The following OSBPL9 variants were observed in gnomAD, a reference collection of about 807,000 sequenced individuals.
OSBPL9 encodes the protein oxysterol-binding protein-related protein 9.
Under a neutral mutation model 106.6 loss-of-function variants are expected in OSBPL9, and 40 were observed. The observed-to-expected ratio is 0.38, with a 90% CI of 0.29 to 0.49. OSBPL9 has a LOEUF of 0.49. OSBPL9 is among the 20% of genes least tolerant of loss of function. The pLI, the probability that OSBPL9 is intolerant of heterozygous loss-of-function variation, is 0.97. For synonymous variants in OSBPL9, 269 were observed against 295.4 expected (o/e 0.91, Z 0.92); for missense variants, 609 against 887.2 (o/e 0.69, Z 3.98).
At chr1:51,693,052 T>A (rs1187827667) in intron 3 of OSBPL9, among the ~76,000 whole-genome samples, 1 of 152,046 alleles carries the variant, frequency 6.6e-6, no homozygotes, top group Non-Finnish European at 1.5e-5. Context: ...TACCAATTAG[T>A]TGCTAAGAAA....
chr1:51,543,248 A>C, the OSBPL9 span, among the ~76,000 whole-genome samples: 1 of 152,192 alleles, frequency 6.6e-6, no homozygotes, highest in South Asian at 2.1e-4. Flanking sequence ...ATGCCCAATA[A>C]AGAGATTTGA....
At chr1:51,656,849 A>G (rs1014294413) in intron 2 of OSBPL9, among the ~76,000 whole-genome samples, 4 of 150,432 alleles carry the variant, frequency 2.7e-5, no homozygotes, top group Admixed American at 2.6e-4. Flanking sequence ...TTTTTTTTAG[A>G]GACGAGGTCT....
chr1:51,629,948 C>CA lies in OSBPL9; in HGVS notation c.111+12739dup, dbSNP rs530932807. ...TGGGCGACAGAGCCATATTCCATCT[C>CA]AAAAAAAAAAAATTATTAATGTGCA... On this transcript the variant is annotated intron_variant, in intron 1 of 23. Transcript: ENST00000428468. 2.6e-3 allele frequency among the ~76,000 whole-genome samples: 377 copies of CA among 143,472 alleles called. 4 individuals are homozygous for CA. Among genetic ancestry groups the CA allele is most frequent in the South Asian group, 0.017 (79 of 4,560 alleles). 94.1% of individuals were successfully genotyped at this position (143,472 alleles called of 152,430 possible).
chr1:51,727,131 C>CTT lies in OSBPL9; in HGVS notation c.318+13073_318+13074dup, dbSNP rs34741660. Among the ~76,000 whole-genome samples the CTT allele has an allele frequency of 2.9e-3, 314 of 107,284 alleles. 7 individuals are homozygous for CTT. Among genetic ancestry groups the CTT allele is most frequent in the African/African-American group, 7.4e-3 (207 of 28,120 alleles). The allele number at this position is 107,284 out of a possible 152,430, so 70.4% of individuals were successfully genotyped here. A position where few individuals can be genotyped will look rare whatever the true frequency, so the allele number is the denominator to read the frequency against. Reference sequence around the variant, plus strand: ...GCATGGGCAGAATTAGAGATGTAGGCTTTTTTTTTTTTTTTTTTTTTTACT... The same window carrying CTT: ...GCATGGGCAGAATTAGAGATGTAGGCTTTTTTTTTTTTTTTTTTTTTTTTACT... On this transcript the variant is annotated intron_variant, in intron 4 of 23. Transcript: ENST00000428468.
chr1:51,757,203 T>A (rs907415449), intron 9 of OSBPL9, among the ~76,000 whole-genome samples: 10 of 152,142 alleles, frequency 6.6e-5, no homozygotes, highest in South Asian at 2.1e-4. Flanking sequence ...GGTTTAAAAA[T>A]TTTTTTTAAG....
At chr1:51,573,398 C>A (rs1645163437), upstream of OSBPL9, among the ~76,000 whole-genome samples, 1 of 148,936 alleles carries the variant, frequency 6.7e-6, no homozygotes, top group South Asian at 2.1e-4. Context: ...ATCCCAGCTA[C>A]TTGGGAGGCT....
intron 4 of OSBPL9, 70 bp downstream of exon 4, chr1:51,714,149 T>G (rs1218040985): frequency 2.5e-6 from 3 of 1,220,360 alleles, no homozygotes; most frequent in East Asian, 2.4e-5. Flanking sequence ...GTTTTCTGTT[T>G]TTTTTTTTTA....
Position 51,784,514 on chromosome 1 carries a change from T to C in OSBPL9, c.1761T>C (p.Ser587=). ...TTAATTGTTCCAAAACAGGCTATAGTGCAAATATCATCTTCCACACTAAAC... is the reference window on the plus strand; with the variant it reads ...TTAATTGTTCCAAAACAGGCTATAGCGCAAATATCATCTTCCACACTAAAC... ...CNINCSKTGY[S]ANIIFHTKPF... Residue 587 remains serine (S), a synonymous_variant, in exon 20 of 24, where the codon AGT becomes AGC. Coordinates refer to ENST00000428468, the MANE Select transcript of OSBPL9 (RefSeq NM_024586.6). 1.2e-6 allele frequency: 2 copies of C among 1,613,706 alleles called. No homozygotes were observed. Among genetic ancestry groups the C allele is most frequent in the Non-Finnish European group, 1.7e-6 (2 of 1,179,560 alleles).
intron 6 of OSBPL9, among the ~76,000 whole-genome samples, chr1:51,747,285 C>A (rs912780915): frequency 1.3e-5 from 2 of 152,124 alleles, no homozygotes; most frequent in Non-Finnish European, 2.9e-5. Flanking sequence ...TAATATAATA[C>A]CTTTTCTGTA....
At chr1:51,677,779 G>T (rs1024598236) in intron 3 of OSBPL9, among the ~76,000 whole-genome samples, 2 of 152,134 alleles carry the variant, frequency 1.3e-5, no homozygotes, top group Non-Finnish European at 2.9e-5. Flanking sequence ...TTGAACTCTG[G>T]ACCTTGTGAT....
intron 1 of OSBPL9, among the ~76,000 whole-genome samples, chr1:51,590,950 G>C (rs1194311375): frequency 3.8e-5 from 5 of 131,552 alleles, no homozygotes; most frequent in African/African-American, 1.5e-4. Flanking sequence ...ACGGAGTCTC[G>C]CTCTGTCGCC....
chr1:51,735,928 A>G (rs941993098), intron 4 of OSBPL9, among the ~76,000 whole-genome samples: 11 of 152,228 alleles, frequency 7.2e-5, no homozygotes, highest in Admixed American at 3.9e-4. Context: ...TTCAGCAGCC[A>G]TACATTACAG....
the OSBPL9 span, among the ~76,000 whole-genome samples, chr1:51,530,170 CAAAAAA>C: frequency 2.7e-4 from 3 of 11,034 alleles, no homozygotes; most frequent in South Asian, 3.4e-3. Context: ...GACTCTGTCT[CAAAAAA>C]AAAAAAAAAA....
intron 3 of OSBPL9, among the ~76,000 whole-genome samples, chr1:51,682,943 C>G (rs534135774): frequency 3.3e-5 from 5 of 150,060 alleles, no homozygotes; most frequent in African/African-American, 9.8e-5. Flanking sequence ...ATGGCATGAT[C>G]TTGGTTCACT....
chr1:51,786,509 C>A lies in OSBPL9; in HGVS notation c.1909-17C>A. 1 of 1,539,218 alleles carries A rather than the reference C, an allele frequency of 6.5e-7. No homozygotes were observed. Among genetic ancestry groups the A allele is most frequent in the East Asian group, 2.3e-5 (1 of 44,176 alleles). On this transcript the variant is annotated splice_polypyrimidine_tract_variant and intron_variant, in intron 21 of 23. Coordinates refer to ENST00000428468, the MANE Select transcript of OSBPL9 (RefSeq NM_024586.6). ...GGTTTATGGGTCTAGTTCCCATCCA[C>A]CTCTATTGTTTTCTAGGAAAATACA...
chr1:51,686,269 G>C (rs1653785276), intron 3 of OSBPL9, among the ~76,000 whole-genome samples: 1 of 152,178 alleles, frequency 6.6e-6, no homozygotes, highest in South Asian at 2.1e-4. Context: ...TCATTTTATA[G>C]ATAAGGAAAC....
chr1:51,676,681 T>C (rs1321259536), intron 3 of OSBPL9, among the ~76,000 whole-genome samples: 18 of 148,828 alleles, frequency 1.2e-4, no homozygotes, highest in African/African-American at 1.7e-4. Flanking sequence ...AAAAAAAAAT[T>C]GACAATGACT....
At chr1:51,653,576 A>G (rs902650051) in intron 2 of OSBPL9, among the ~76,000 whole-genome samples, 6 of 152,194 alleles carry the variant, frequency 3.9e-5, no homozygotes, top group African/African-American at 1.4e-4. Context: ...CATCCCTTAT[A>G]TGTCTCCTAA....
intron 2 of OSBPL9, among the ~76,000 whole-genome samples, chr1:51,605,883 G>C (rs1346018580): frequency 6.6e-6 from 1 of 152,060 alleles, no homozygotes; most frequent in African/African-American, 2.4e-5. Context: ...CAGGAGGGTA[G>C]ACAGGAGAAT....
Sources: allele counts gnomAD v4.1 joint callset (sites outside exome capture counted in the v4.1 genomes callset), GRCh38; gene constraint gnomAD v4.1.1; transcripts MANE v1.5; gene names NCBI Gene and HGNC (gene_info 2026-07-23, HGNC 2026-07-21).